CDH23: variants seen among roughly 807,000 people sequenced by gnomAD.
CDH23 encodes cadherin related 23.
In CDH23, 189 loss-of-function variants were observed where a neutral mutation model predicts 317.1. That is an observed-to-expected ratio of 0.60 (90% CI 0.53 to 0.67). CDH23 has a LOEUF of 0.67. Among genes scored for constraint, CDH23 ranks in the 30% least tolerant of loss-of-function variants. The probability of loss-of-function intolerance (pLI) is 0.00; values close to 1 mark genes in which losing one functional copy is unlikely to be tolerated. For missense variants in CDH23, 4,401 were observed against 4,592.4 expected, an observed-to-expected ratio of 0.96 and a Z score of 1.20; for synonymous variants, 1,839 against 1,876.8, an observed-to-expected ratio of 0.98 and a Z score of 0.52.
At chr10:71,795,839 G>C (rs1233794713) in intron 48 of CDH23, 1 of 987,634 alleles carries the variant, frequency 1.0e-6, no homozygotes, top group Admixed American at 6.1e-5. Flanking sequence ...AGGCCCACAG[G>C]TTTGAGCTCT....
chr10:71,779,766 C>T (rs1388289012), intron 41 of CDH23, among the ~76,000 whole-genome samples: 1 of 152,238 alleles, frequency 6.6e-6, no homozygotes, highest in East Asian at 1.9e-4. Flanking sequence ...GAGGGAAGCA[C>T]ATCCTTACAG....
At chr10:71,660,207 G>A (rs890244562) in intron 14 of CDH23, among the ~76,000 whole-genome samples, 3 of 151,776 alleles carry the variant, frequency 2.0e-5, no homozygotes, top group East Asian at 1.9e-4. Context: ...GATCCACCCC[G>A]CTCGGCCTCC....
chr10:71,702,779 G>A, intron 24 of CDH23, 85 bp downstream of exon 24: 1 of 1,517,790 alleles, frequency 6.6e-7, no homozygotes, highest in African/African-American at 1.4e-5. Flanking sequence ...AAACTTTGCA[G>A]GGCTGGGGCA....
At chr10:71,503,913 G>A (rs1252764275) in intron 3 of CDH23, among the ~76,000 whole-genome samples, 2 of 152,134 alleles carry the variant, frequency 1.3e-5, no homozygotes, top group Admixed American at 1.3e-4. Context: ...TGTCCTGTTC[G>A]GGAACAGAAA....
At chr10:71,707,092 C>A (rs754756854) in intron 26 of CDH23, 43 bp downstream of exon 26, 1 of 1,575,684 alleles carries the variant, frequency 6.3e-7, no homozygotes, top group Non-Finnish European at 8.6e-7. Flanking sequence ...CCTCCTGGGG[C>A]CCTGCCTCCA....
intron 25 of CDH23, among the ~76,000 whole-genome samples, chr10:71,706,640 C>T (rs2132745077): frequency 6.6e-6 from 1 of 152,364 alleles, no homozygotes; most frequent in East Asian, 1.9e-4. Flanking sequence ...CTCCCTTTGA[C>T]AGCTGAGCAG....
At chr10:71,560,510 G>C (rs997494423) in intron 6 of CDH23, among the ~76,000 whole-genome samples, 5 of 152,108 alleles carry the variant, frequency 3.3e-5, no homozygotes, top group African/African-American at 1.2e-4. Context: ...GGAATCCTGA[G>C]GTCTGGGCAC....
In CDH23 at chr10:71,759,914, C is replaced by CAT. The variant is rs1564779323; in HGVS notation, c.4846-17760_4846-17759dup. Among the ~76,000 whole-genome samples, 141 of 56,894 alleles carry CAT rather than the reference C, an allele frequency of 2.5e-3. 11 individuals carry two copies. In the Middle Eastern group the frequency reaches 0.053, roughly 21 times the overall value. 37.3% of individuals were successfully genotyped at this position (56,894 alleles called of 152,430 possible). A position where few individuals can be genotyped will look rare whatever the true frequency, so the allele number is the denominator to read the frequency against. ...ACACACACACATATATACACACACA[C>CAT]ATATATACACACACACATATATACA... On this transcript the variant is annotated intron_variant, in intron 38 of 69. Transcript: ENST00000224721.
chr10:71,549,864 G>T (rs991936366), intron 6 of CDH23, among the ~76,000 whole-genome samples: 1 of 152,222 alleles, frequency 6.6e-6, no homozygotes, highest in Non-Finnish European at 1.5e-5. Flanking sequence ...GACCCAGCTT[G>T]TGGGGCGGGG....
intron 41 of CDH23, among the ~76,000 whole-genome samples, chr10:71,782,830 C>T (rs189377269): frequency 6.6e-6 from 1 of 152,264 alleles, no homozygotes; most frequent in East Asian, 1.9e-4. Flanking sequence ...TTCCACCCCC[C>T]AGGCAGGGTG....
intron 41 of CDH23, among the ~76,000 whole-genome samples, chr10:71,781,196 G>A (rs74145653): frequency 0.014 from 2,072 of 152,242 alleles, 41 homozygotes; most frequent in East Asian, 0.082. Flanking sequence ...CCCAAGCCTC[G>A]CTTGCAATTA....
chr10:71,407,455 A>G (rs1321605541), intron 1 of CDH23, among the ~76,000 whole-genome samples: 1 of 152,142 alleles, frequency 6.6e-6, no homozygotes, highest in African/African-American at 2.4e-5. Context: ...AATGAGGTGG[A>G]TGGTTTTCTA....
chr10:71,584,542 C>CTGTGTGTGTGTGTGTGTGTG lies in CDH23; in HGVS notation c.832+6564_832+6583dup, dbSNP rs138103081. Among the ~76,000 whole-genome samples the CTGTGTGTGTGTGTGTGTGTG allele has an allele frequency of 8.8e-3, 1,280 of 145,734 alleles. 17 individuals carry two copies. Among genetic ancestry groups the CTGTGTGTGTGTGTGTGTGTG allele is most frequent in the Middle Eastern group, 0.042 (12 of 284 alleles). On this transcript the variant is annotated intron_variant, in intron 9 of 69. Coordinates refer to ENST00000224721, the MANE Select transcript of CDH23 (RefSeq NM_022124.6). ...TACACTGATTGCTTTGAAGGGAAGT[C>CTGTGTGTGTGTGTGTGTGTG]TGTGTGTGTGTGTGTGTGTGTGTGT...
chr10:71,643,847 A>G lies in CDH23; in HGVS notation c.1135-14A>G. On this transcript the variant is annotated splice_polypyrimidine_tract_variant and intron_variant, in intron 11 of 69. Coordinates refer to ENST00000224721, the MANE Select transcript of CDH23 (RefSeq NM_022124.6). ...TGTCTCCATATCCTTTGACTGACCG[A>G]CTCCCATTGACAGAATTTGGTAAGT... 1 of 765,226 alleles carries G rather than the reference A, an allele frequency of 1.3e-6. No individual in the cohort carries two copies. The allele number at this position is 765,226 out of a possible 1,614,324, so 47.4% of individuals were successfully genotyped here. A position where few individuals can be genotyped will look rare whatever the true frequency, so the allele number is the denominator to read the frequency against.
rs1287274800 is a variant in CDH23 at position 71,813,007 on chromosome 10, G to A, written c.9633+117G>A. ...AGCTAGACCCACCCTCCACTGGGGCGAGAACACCAGGGCTGATGGGGGGCT... is the reference window on the plus strand; with the variant it reads ...AGCTAGACCCACCCTCCACTGGGGCAAGAACACCAGGGCTGATGGGGGGCT... On this transcript the variant is annotated intron_variant, in intron 68 of 69. Coordinates refer to ENST00000224721, the MANE Select transcript of CDH23 (RefSeq NM_022124.6). 1.8e-5 allele frequency: 27 copies of A among 1,485,164 alleles called. 1 individual carries two copies. The highest frequency in any genetic ancestry group is 7.4e-5 in the East Asian group (3 of 40,750). 92.0% of individuals were successfully genotyped at this position (1,485,164 alleles called of 1,614,324 possible).
chr10:71,774,051 GCACACACACACA>G (rs57159718), intron 38 of CDH23, among the ~76,000 whole-genome samples: 7 of 88,456 alleles, frequency 7.9e-5, no homozygotes, highest in East Asian at 2.6e-4. Context: ...ATGCGCGCGC[GCACACACACACA>G]CACACACACA....
intron 35 of CDH23, among the ~76,000 whole-genome samples, chr10:71,739,301 G>A (rs191949447): frequency 6.6e-6 from 1 of 152,242 alleles, no homozygotes; most frequent in Admixed American, 6.5e-5. Context: ...ACCAAGTAGA[G>A]TCCAGGTAAT....
chr10:71,693,346 T>C (rs890397130), intron 20 of CDH23, among the ~76,000 whole-genome samples: 2 of 152,152 alleles, frequency 1.3e-5, no homozygotes, highest in Admixed American at 1.3e-4. Flanking sequence ...AGGGTGATGT[T>C]TGCATTTCAG....
chr10:71,700,067 C>T lies in CDH23; in HGVS notation c.2398-1955C>T, dbSNP rs574822150. 9.8e-5 allele frequency among the ~76,000 whole-genome samples: 15 copies of T among 152,308 alleles called. No homozygotes were observed. The South Asian group carries it at 3.1e-3, about 32-fold the overall frequency. The stretch of plus-strand genomic sequence containing the variant: ...TGCTCTCTTCCTCAGTTTCCCCATC[C>T]AGAAAAATAAAATAGGGAGAAAATC... On this transcript the variant is annotated intron_variant, in intron 22 of 69. Transcript: ENST00000224721.
Sources: allele counts gnomAD v4.1 joint callset (sites outside exome capture counted in the v4.1 genomes callset), GRCh38; gene constraint gnomAD v4.1.1; transcripts MANE v1.5; gene names NCBI Gene and HGNC (gene_info 2026-07-23, HGNC 2026-07-21).